The following PTPRT variants were observed in gnomAD, a reference collection of about 807,000 sequenced individuals.
PTPRT encodes the protein protein tyrosine phosphatase receptor type T.
A neutral mutation model predicts 176.8 loss-of-function variants in PTPRT; 56 were observed. That is an observed-to-expected ratio of 0.32 (90% CI 0.26 to 0.40). The LOEUF (loss-of-function observed/expected upper bound fraction) is 0.40. Ranked by LOEUF, PTPRT falls within the 10% of genes least tolerant of loss-of-function variation. The pLI is 1.00. For synonymous variants in PTPRT, 783 were observed against 739.0 expected, an observed-to-expected ratio of 1.06 and a Z score of -0.96; for missense variants, 1,540 against 1,908.2, an observed-to-expected ratio of 0.81 and a Z score of 3.60.
chr20:43,049,439 C>G (rs1250072203), intron 1 of PTPRT, among the ~76,000 whole-genome samples: 1 of 152,032 alleles, frequency 6.6e-6, no homozygotes. Context: ...TACTATCTTG[C>G]CAATGTATTT....
intron 15 of PTPRT, among the ~76,000 whole-genome samples, chr20:42,230,315 G>A (rs770902705): frequency 4.6e-5 from 7 of 152,184 alleles, no homozygotes; most frequent in Admixed American, 1.3e-4. Context: ...AAGTAGTTAC[G>A]TGCTCTCTCT....
intron 7 of PTPRT, among the ~76,000 whole-genome samples, chr20:42,597,880 T>C (rs2073700944): frequency 6.6e-6 from 1 of 152,162 alleles, no homozygotes; most frequent in South Asian, 2.1e-4. Flanking sequence ...TCATCAGAGA[T>C]CATCTTATAA....
At chr20:43,015,697 A>G (rs1179738832) in intron 1 of PTPRT, among the ~76,000 whole-genome samples, 1 of 151,944 alleles carries the variant, frequency 6.6e-6, no homozygotes, top group Non-Finnish European at 1.5e-5. Context: ...CCTGGGCTAG[A>G]CTCCATGCTC....
At chr20:42,853,372 G>C (rs1297925914) in intron 2 of PTPRT, among the ~76,000 whole-genome samples, 1 of 152,146 alleles carries the variant, frequency 6.6e-6, no homozygotes, top group Non-Finnish European at 1.5e-5. Context: ...GGAGAATCAG[G>C]AAAGCCAGTG....
intron 1 of PTPRT, among the ~76,000 whole-genome samples, chr20:43,054,383 G>A (rs1028566882): frequency 4.6e-5 from 7 of 151,964 alleles, no homozygotes; most frequent in African/African-American, 1.7e-4. Flanking sequence ...GCGAAACTTC[G>A]TCTCTACAAA....
At chr20:42,948,157 T>C (rs528120901) in intron 1 of PTPRT, among the ~76,000 whole-genome samples, 2 of 152,338 alleles carry the variant, frequency 1.3e-5, no homozygotes, top group South Asian at 2.1e-4. Flanking sequence ...AGCCTCTTTA[T>C]GGTGTCTGCT....
chr20:42,817,034 T>C (rs1393627860), intron 2 of PTPRT, among the ~76,000 whole-genome samples: 1 of 152,182 alleles, frequency 6.6e-6, no homozygotes, highest in African/African-American at 2.4e-5. Flanking sequence ...AAGCAGAGGC[T>C]GAAGTAAACT....
intron 1 of PTPRT, among the ~76,000 whole-genome samples, chr20:43,030,072 C>T (rs1252635315): frequency 6.6e-6 from 1 of 152,194 alleles, no homozygotes; most frequent in Non-Finnish European, 1.5e-5. Context: ...TCTAGCCTAT[C>T]CTAACTAAAA....
At chr20:43,090,789 A>G (rs372154704) in intron 1 of PTPRT, among the ~76,000 whole-genome samples, 4 of 152,200 alleles carry the variant, frequency 2.6e-5, no homozygotes, top group Non-Finnish European at 4.4e-5. Flanking sequence ...ACAAATATCC[A>G]TCTACTAGAT....
intron 7 of PTPRT, among the ~76,000 whole-genome samples, chr20:42,526,371 C>G (rs1158525858): frequency 2.6e-5 from 4 of 152,060 alleles, no homozygotes; most frequent in African/African-American, 9.7e-5. Flanking sequence ...GTTGTTCATG[C>G]CTTTAATGTT....
At chr20:42,457,427 A>G (rs2070942904) in intron 8 of PTPRT, among the ~76,000 whole-genome samples, 2 of 151,978 alleles carry the variant, frequency 1.3e-5, no homozygotes, top group African/African-American at 2.4e-5. Context: ...TCTTGCTTCA[A>G]TTGTTAGGGG....
chr20:43,056,918 T>C (rs145978483), intron 1 of PTPRT, among the ~76,000 whole-genome samples: 263 of 152,240 alleles, frequency 1.7e-3, no homozygotes, highest in Admixed American at 6.9e-3. Flanking sequence ...AGCGTCCTTA[T>C]TCCTGCTTCC....
At chr20:42,889,698 G>T (rs1417850444) in intron 1 of PTPRT, among the ~76,000 whole-genome samples, 1 of 152,334 alleles carries the variant, frequency 6.6e-6, no homozygotes, top group Admixed American at 6.5e-5. Flanking sequence ...GCAAAGCAGG[G>T]AATTTCAAGG....
intron 1 of PTPRT, among the ~76,000 whole-genome samples, chr20:43,121,829 C>T (rs1449479428): frequency 6.6e-6 from 1 of 152,074 alleles, no homozygotes; most frequent in African/African-American, 2.4e-5. Context: ...CATAATAATG[C>T]CATCCATAGA....
chr20:42,224,993 C>T (rs73268867), intron 15 of PTPRT, among the ~76,000 whole-genome samples: 2,064 of 152,256 alleles, frequency 0.014, 41 homozygotes, highest in African/African-American at 0.048. Context: ...CTCTGCCCAC[C>T]GGTCTACAGA....
At chr20:42,381,774 C>T (rs2058700436) in intron 9 of PTPRT, among the ~76,000 whole-genome samples, 1 of 152,138 alleles carries the variant, frequency 6.6e-6, no homozygotes, top group African/African-American at 2.4e-5. Context: ...GGGTCTGTTT[C>T]CAACTTAGAC....
chr20:42,054,369 T>G, the PTPRT span, among the ~76,000 whole-genome samples: 1 of 152,206 alleles, frequency 6.6e-6, no homozygotes, highest in Admixed American at 6.5e-5. Context: ...TCCAAGCTTC[T>G]AAGTAGATAT....
At chr20:43,048,122 T>C in intron 1 of PTPRT, among the ~76,000 whole-genome samples, 1 of 151,942 alleles carries the variant, frequency 6.6e-6, no homozygotes, top group South Asian at 2.1e-4. Context: ...AGAGAATGCA[T>C]AAAGATCCAC....
chr20:42,049,806 A>G, the PTPRT span, among the ~76,000 whole-genome samples: 2 of 152,176 alleles, frequency 1.3e-5, no homozygotes, highest in African/African-American at 4.8e-5. Context: ...AAAGTGGCTG[A>G]TCTCACCATA....
Sources: allele counts gnomAD v4.1 joint callset (sites outside exome capture counted in the v4.1 genomes callset), GRCh38; gene constraint gnomAD v4.1.1; transcripts MANE v1.5; gene names NCBI Gene and HGNC (gene_info 2026-07-23, HGNC 2026-07-21).